Variants in DYRK1A observed in about 807,000 individuals in gnomAD.
DYRK1A encodes the protein dual specificity tyrosine phosphorylation regulated kinase 1A.
In DYRK1A, 9 loss-of-function variants were observed where a neutral mutation model predicts 79.7. The ratio of observed to expected loss-of-function variants is 0.11; its 90% CI spans 0.07 to 0.20. The LOEUF is 0.20. DYRK1A is among the 10% of genes least tolerant of loss of function. The probability of loss-of-function intolerance (pLI) is 1.00; values close to 1 mark genes in which losing one functional copy is unlikely to be tolerated. For missense variants in DYRK1A, 622 were observed against 956.0 expected, an observed-to-expected ratio of 0.65 and a Z score of 4.61; for synonymous variants, 349 against 329.7, an observed-to-expected ratio of 1.06 and a Z score of -0.63.
At chr21:37,445,431 TG>T (rs1450666740) in intron 2 of DYRK1A, among the ~76,000 whole-genome samples, 1 of 152,232 alleles carries the variant, frequency 6.6e-6, no homozygotes, top group East Asian at 1.9e-4. Context: ...CATTTCATGT[TG>T]GTGCGGGGGA....
chr21:37,491,998 A>G (rs1252330902), intron 7 of DYRK1A, among the ~76,000 whole-genome samples: 1 of 152,200 alleles, frequency 6.6e-6, no homozygotes, highest in Non-Finnish European at 1.5e-5. Context: ...TGTTTTGGGG[A>G]AAGCAACTGC....
At chr21:37,422,498 C>G (rs562013776) in intron 2 of DYRK1A, among the ~76,000 whole-genome samples, 34 of 151,978 alleles carry the variant, frequency 2.2e-4, no homozygotes, top group Non-Finnish European at 4.4e-4. Flanking sequence ...TTGTTTTTAC[C>G]CTCTGGCATT....
intron 1 of DYRK1A, chr21:37,410,638 C>T (rs1215935942): frequency 1.3e-5 from 2 of 152,248 alleles, no homozygotes; most frequent in Admixed American, 1.3e-4. Flanking sequence ...AGCAGTCTTC[C>T]CACCTCAGCC....
intron 1 of DYRK1A, among the ~76,000 whole-genome samples, chr21:37,405,978 T>TTA (rs2050139566): frequency 6.6e-6 from 1 of 152,226 alleles, no homozygotes; most frequent in African/African-American, 2.4e-5. Flanking sequence ...ATTGTTGATG[T>TTA]TATTGAAGTG....
Position 37,478,379 on chromosome 21 carries a change from C to T in DYRK1A, c.300+79C>T, listed in dbSNP as rs986171304. On this transcript the variant is annotated intron_variant, in intron 4 of 11. Transcript: ENST00000647188. Reference sequence around the variant, plus strand: ...AAAAGTGTGACCTATTTACCCTAAACTTTTTTTTCATTCCTAGTAGTTGTC... The same window carrying T: ...AAAAGTGTGACCTATTTACCCTAAATTTTTTTTTCATTCCTAGTAGTTGTC... The T allele has an allele frequency of 5.3e-6, 7 of 1,320,798 alleles. No homozygotes were observed. In the South Asian group the frequency reaches 9.8e-5, roughly 18 times the overall value. The allele number at this position is 1,320,798 out of a possible 1,614,324, so 81.8% of individuals were successfully genotyped here. A position where few individuals can be genotyped will look rare whatever the true frequency, so the allele number is the denominator to read the frequency against.
chr21:37,472,673 T>C lies in DYRK1A; in HGVS notation c.11-11T>C, dbSNP rs560378772. The C allele has an allele frequency of 1.5e-5, 24 of 1,568,834 alleles. No homozygotes were observed. Among genetic ancestry groups the C allele is most frequent in the East Asian group, 2.3e-5 (1 of 43,938 alleles). The stretch of plus-strand genomic sequence containing the variant: ...GAATATTTCCTTTAAACCTCACTTA[T>C]CTTCTTGTAGGAGGAGAGACTTCAG... On this transcript the variant is annotated splice_polypyrimidine_tract_variant and intron_variant, in intron 2 of 11. Coordinates refer to ENST00000647188, the MANE Select transcript of DYRK1A (RefSeq NM_001347721.2).
chr21:37,484,409 C>T (rs565614428), intron 5 of DYRK1A, among the ~76,000 whole-genome samples: 2 of 150,484 alleles, frequency 1.3e-5, no homozygotes, highest in East Asian at 2.0e-4. Context: ...GCTCATTGCA[C>T]CCTCCGCCTT....
intron 2 of DYRK1A, among the ~76,000 whole-genome samples, chr21:37,433,047 ATATAT>A (rs1569317435): frequency 9.4e-5 from 14 of 148,430 alleles, no homozygotes; most frequent in Non-Finnish European, 1.6e-4. Context: ...AATTCTAAAT[ATATAT>A]ATATATATAT....
intron 2 of DYRK1A, among the ~76,000 whole-genome samples, chr21:37,446,851 G>A (rs1026763043): frequency 1.3e-5 from 2 of 152,126 alleles, no homozygotes; most frequent in Non-Finnish European, 1.5e-5. Context: ...ACCTTGTGGC[G>A]GTGGAAGCAC....
intron 2 of DYRK1A, among the ~76,000 whole-genome samples, chr21:37,423,598 T>G (rs1315207555): frequency 6.6e-6 from 1 of 152,114 alleles, no homozygotes; most frequent in Non-Finnish European, 1.5e-5. Flanking sequence ...TATTTTTGAT[T>G]TATACCTATT....
At chr21:37,452,112 TTAAAG>T in intron 2 of DYRK1A, among the ~76,000 whole-genome samples, 1 of 152,020 alleles carries the variant, frequency 6.6e-6, no homozygotes, top group Non-Finnish European at 1.5e-5. Flanking sequence ...CTCTGGGTAT[TTAAAG>T]TATTGTGAAG....
intron 3 of DYRK1A, among the ~76,000 whole-genome samples, chr21:37,476,821 C>CCT (rs58545517): frequency 0.5 from 66,339 of 133,730 alleles, 18,181 homozygotes; most frequent in East Asian, 0.63. Flanking sequence ...CAAGGGTTCC[C>CCT]CCCCCCCCCA....
intron 1 of DYRK1A, chr21:37,418,894 A>G (rs1273563724): frequency 6.6e-6 from 1 of 152,238 alleles, no homozygotes; most frequent in Non-Finnish European, 1.5e-5. Context: ...TTCAGAGACA[A>G]TTCCTAATTT....
intron 1 of DYRK1A, among the ~76,000 whole-genome samples, chr21:37,417,534 T>TCTTTTTC (rs1555959240): frequency 1.2e-5 from 1 of 84,224 alleles, no homozygotes; most frequent in Non-Finnish European, 2.5e-5. Context: ...TTTTTCTTTT[T>TCTTTTTC]TTTTTTTTTT....
chr21:37,442,858 A>G (rs1228414304), intron 2 of DYRK1A, among the ~76,000 whole-genome samples: 1 of 152,112 alleles, frequency 6.6e-6, no homozygotes, highest in Non-Finnish European at 1.5e-5. Context: ...GTTTTGAGAC[A>G]GGGTCTCACT....
At chr21:37,385,917 G>A (rs1229174950) in intron 1 of DYRK1A, among the ~76,000 whole-genome samples, 1 of 152,120 alleles carries the variant, frequency 6.6e-6, no homozygotes, top group African/African-American at 2.4e-5. Flanking sequence ...TTACCTTCTT[G>A]GAGATTGACA....
chr21:37,445,820 A>G (rs2051251815), intron 2 of DYRK1A, among the ~76,000 whole-genome samples: 1 of 152,064 alleles, frequency 6.6e-6, no homozygotes, highest in Non-Finnish European at 1.5e-5. Flanking sequence ...GAATTTTAGC[A>G]CCCTGTCCTT....
intron 1 of DYRK1A, among the ~76,000 whole-genome samples, chr21:37,407,902 C>T (rs887801446): frequency 1.3e-5 from 2 of 152,046 alleles, no homozygotes; most frequent in African/African-American, 4.8e-5. Context: ...TGACCTGTGT[C>T]GATCACTCAA....
At chr21:37,453,672 AGTTT>A (rs1372475595) in intron 2 of DYRK1A, among the ~76,000 whole-genome samples, 2 of 152,064 alleles carry the variant, frequency 1.3e-5, no homozygotes, top group Non-Finnish European at 2.9e-5. Flanking sequence ...ACTTAACTCC[AGTTT>A]GTTTGGCATA....
Sources: allele counts gnomAD v4.1 joint callset (sites outside exome capture counted in the v4.1 genomes callset), GRCh38; gene constraint gnomAD v4.1.1; transcripts MANE v1.5; gene names NCBI Gene and HGNC (gene_info 2026-07-23, HGNC 2026-07-21).